Variants in GRID2 observed in about 807,000 individuals in gnomAD.
The protein encoded by GRID2 is glutamate ionotropic receptor delta type subunit 2.
Under a neutral mutation model 114.8 loss-of-function variants are expected in GRID2, and 33 were observed. The observed-to-expected ratio is 0.29, with a 90% confidence interval of 0.22 to 0.38. The LOEUF (loss-of-function observed/expected upper bound fraction) is 0.38. Ranked by LOEUF, GRID2 falls within the 10% of genes least tolerant of loss-of-function variation. The pLI, the probability that GRID2 is intolerant of heterozygous loss-of-function variation, is 1.00. For missense variants in GRID2, 1,184 were observed against 1,257.7 expected (o/e 0.94, Z 0.89); for synonymous variants, 505 against 449.9 (o/e 1.12, Z -1.55).
intron 2 of GRID2, among the ~76,000 whole-genome samples, chr4:92,751,472 G>A (rs984057176): frequency 6.6e-6 from 1 of 151,826 alleles, no homozygotes; most frequent in Non-Finnish European, 1.5e-5. Flanking sequence ...AGTCCAAAAA[G>A]GCTGTTTGAT....
intron 2 of GRID2, among the ~76,000 whole-genome samples, chr4:92,883,632 G>A (rs971697494): frequency 5.9e-5 from 9 of 152,168 alleles, no homozygotes; most frequent in Admixed American, 1.3e-4. Flanking sequence ...TAGAATGGAC[G>A]TTGTGTTAGC....
At chr4:93,348,317 G>A (rs540173668) in intron 8 of GRID2, among the ~76,000 whole-genome samples, 172 of 152,136 alleles carry the variant, frequency 1.1e-3, no homozygotes, top group Non-Finnish European at 2.0e-3. Flanking sequence ...TATATCCTAA[G>A]CATTTTGCAA....
intron 2 of GRID2, among the ~76,000 whole-genome samples, chr4:92,709,443 G>A (rs969699598): frequency 2.0e-5 from 3 of 151,538 alleles, no homozygotes; most frequent in Non-Finnish European, 2.9e-5. Context: ...TACGCTATTC[G>A]CAGTTTGTTG....
chr4:93,008,826 C>T (rs2149227956), intron 2 of GRID2, among the ~76,000 whole-genome samples: 1 of 152,192 alleles, frequency 6.6e-6, no homozygotes, highest in African/African-American at 2.4e-5. Context: ...TCTCATTCAG[C>T]TGCGTTCAAC....
At chr4:93,190,500 G>A (rs1351477122) in intron 4 of GRID2, among the ~76,000 whole-genome samples, 3 of 152,114 alleles carry the variant, frequency 2.0e-5, no homozygotes, top group Non-Finnish European at 4.4e-5. Flanking sequence ...ATTTCAAACA[G>A]CAAATATTTG....
At chr4:92,421,528 C>T (rs1314184537) in intron 1 of GRID2, among the ~76,000 whole-genome samples, 1 of 152,102 alleles carries the variant, frequency 6.6e-6, no homozygotes, top group Admixed American at 6.6e-5. Flanking sequence ...CAGTTAGAAG[C>T]TTTTGACCCT....
chr4:92,418,732 C>A (rs1731745100), intron 1 of GRID2, among the ~76,000 whole-genome samples: 2 of 151,924 alleles, frequency 1.3e-5, no homozygotes, highest in Non-Finnish European at 2.9e-5. Context: ...CCTTCCACAC[C>A]CCCCTAAAAA....
At chr4:93,692,668 T>G (rs1726670145) in intron 14 of GRID2, among the ~76,000 whole-genome samples, 2 of 152,194 alleles carry the variant, frequency 1.3e-5, no homozygotes, top group Non-Finnish European at 2.9e-5. Flanking sequence ...AATGACATAT[T>G]CTAAGGTAAG....
chr4:93,314,465 G>A (rs1186202625), intron 8 of GRID2, among the ~76,000 whole-genome samples: 3 of 151,916 alleles, frequency 2.0e-5, no homozygotes, highest in Non-Finnish European at 2.9e-5. Flanking sequence ...ACTGCAGGTA[G>A]AAGCTACTTT....
chr4:92,506,788 T>C (rs1723995431), intron 1 of GRID2, among the ~76,000 whole-genome samples: 1 of 151,950 alleles, frequency 6.6e-6, no homozygotes, highest in South Asian at 2.1e-4. Flanking sequence ...TTTGAGACAA[T>C]AGGTTGATGT....
chr4:92,929,500 T>C (rs1750067264), intron 2 of GRID2, among the ~76,000 whole-genome samples: 1 of 151,390 alleles, frequency 6.6e-6, no homozygotes, highest in African/African-American at 2.4e-5. Context: ...ATAGTAAGTA[T>C]GGATGCATTT....
At chr4:92,319,637 T>A (rs930398130) in intron 1 of GRID2, among the ~76,000 whole-genome samples, 5 of 152,202 alleles carry the variant, frequency 3.3e-5, no homozygotes, top group Non-Finnish European at 5.9e-5. Context: ...GTTGTATCTT[T>A]TGTGCTTCCT....
At chr4:92,581,081 G>A (rs151061166) in intron 1 of GRID2, among the ~76,000 whole-genome samples, 2,756 of 151,768 alleles carry the variant, frequency 0.018, 45 homozygotes, top group Non-Finnish European at 0.028. Context: ...CAAGGTTCTG[G>A]TTGAATCTTC....
intron 14 of GRID2, among the ~76,000 whole-genome samples, chr4:93,739,367 A>G (rs947065658): frequency 2.6e-5 from 4 of 152,102 alleles, no homozygotes; most frequent in African/African-American, 9.7e-5. Context: ...AGCCATTTCC[A>G]TGTAAAAATC....
intron 14 of GRID2, among the ~76,000 whole-genome samples, chr4:93,756,659 C>G (rs1448970208): frequency 6.6e-6 from 1 of 152,164 alleles, no homozygotes; most frequent in Non-Finnish European, 1.5e-5. Context: ...AATTACCCCC[C>G]AAAGGCCCCA....
At chr4:93,177,467 T>C (rs1201656530) in intron 4 of GRID2, among the ~76,000 whole-genome samples, 1 of 152,150 alleles carries the variant, frequency 6.6e-6, no homozygotes, top group Non-Finnish European at 1.5e-5. Flanking sequence ...CTTAAGTTAC[T>C]TACCAAAGGT....
intron 14 of GRID2, among the ~76,000 whole-genome samples, chr4:93,692,084 A>C (rs1189384415): frequency 2.0e-5 from 3 of 152,128 alleles, no homozygotes; most frequent in Non-Finnish European, 4.4e-5. Context: ...ACCTACATAG[A>C]ACATGTATTC....
intron 2 of GRID2, among the ~76,000 whole-genome samples, chr4:93,072,271 A>G (rs952386674): frequency 2.6e-5 from 4 of 152,286 alleles, no homozygotes; most frequent in Admixed American, 6.5e-5. Flanking sequence ...AAAGAGAGAC[A>G]GAACACAAAA....
chr4:92,583,520 A>T (rs1728276479), intron 1 of GRID2, among the ~76,000 whole-genome samples: 1 of 152,000 alleles, frequency 6.6e-6, no homozygotes, highest in Non-Finnish European at 1.5e-5. Context: ...ACCCTATTTC[A>T]TGCCTGCAAG....
Sources: gnomAD v4.1 joint callset for allele counts (sites outside exome capture counted in the v4.1 genomes callset) on GRCh38, gnomAD v4.1.1 for gene constraint, MANE v1.5 for transcripts, NCBI Gene and HGNC (gene_info 2026-07-23, HGNC 2026-07-21) for gene names.